The following SERPINE2 variants were observed in gnomAD, a reference collection of about 807,000 sequenced individuals.
The protein encoded by SERPINE2 is glia-derived nexin.
Under a neutral mutation model 36.3 loss-of-function variants are expected in SERPINE2, and 14 were observed. The ratio of observed to expected loss-of-function variants is 0.39; its 90% confidence interval spans 0.25 to 0.60. The LOEUF (loss-of-function observed/expected upper bound fraction) is 0.60. Among genes scored for constraint, SERPINE2 ranks in the 20% least tolerant of loss-of-function variants. The pLI is 0.57. For synonymous variants in SERPINE2, 192 were observed against 191.8 expected (o/e 1.00, Z -0.01); for missense variants, 418 against 499.6 (o/e 0.84, Z 1.56).
At chr2:224,030,213 G>T (rs1015862706) in intron 1 of SERPINE2, 64 of 985,410 alleles carry the variant, frequency 6.5e-5, no homozygotes, top group Non-Finnish European at 7.2e-5. Context: ...GAAGCCTGCG[G>T]GCAGGACAGA....
chr2:224,024,045 G>C (rs956170803), intron 1 of SERPINE2, among the ~76,000 whole-genome samples: 1 of 152,156 alleles, frequency 6.6e-6, no homozygotes, highest in African/African-American at 2.4e-5. Context: ...GGGGAAAAAT[G>C]ATATGAGCCA....
rs1018743814 is a variant in SERPINE2 at position 224,039,044 on chromosome 2, C to T, written c.-23+55G>A. ...GCGCGCGGAGCCCCGGGGAGCGTCCCCCGCCGAGGGCAGCGCCGGCCGCGC... is the reference window on the plus strand; with the variant it reads ...GCGCGCGGAGCCCCGGGGAGCGTCCTCCGCCGAGGGCAGCGCCGGCCGCGC... On this transcript the variant is annotated intron_variant, in intron 1 of 8. Coordinates refer to ENST00000409304, the MANE Select transcript of SERPINE2 (RefSeq NM_001136528.2). The surrounding 1 kb of genome is among the most constrained non-coding windows in gnomAD (Gnocchi z 5.2). The T allele has an allele frequency of 2.0e-5, 3 of 151,502 alleles. No individual in the cohort carries two copies. The highest frequency in any genetic ancestry group is 7.2e-5 in the African/African-American group (3 of 41,468). The allele number at this position is 151,502 out of a possible 1,614,324, so 9.4% of individuals were successfully genotyped here. A position where few individuals can be genotyped will look rare whatever the true frequency, so the allele number is the denominator to read the frequency against.
chr2:224,013,134 G>C (rs1404799754), intron 1 of SERPINE2, among the ~76,000 whole-genome samples: 1 of 152,138 alleles, frequency 6.6e-6, no homozygotes, highest in Non-Finnish European at 1.5e-5. Flanking sequence ...GTTTAGCATA[G>C]TACCTGGTAT....
intron 5 of SERPINE2, 114 bp from the exon 6 acceptor site, chr2:223,982,895 C>A: frequency 1.5e-6 from 1 of 669,396 alleles, no homozygotes; most frequent in African/African-American, 1.8e-5. Context: ...GAATACCGAT[C>A]TGAATTGCAT....
intron 3 of SERPINE2, among the ~76,000 whole-genome samples, chr2:223,992,325 T>C (rs1690706804): frequency 7.3e-6 from 1 of 137,870 alleles, no homozygotes; most frequent in Admixed American, 7.7e-5. Context: ...CCAAATAAGC[T>C]ACATTTGATA....
rs370456195 is a variant in SERPINE2 at position 223,984,691 on chromosome 2, G to A, written c.884+61C>T. Reference sequence around the variant, plus strand: ...TTTCGCCTCATGTTGTCTGGTGTCCGACATAACACCTGCTGATTGAATAAT... The same window carrying A: ...TTTCGCCTCATGTTGTCTGGTGTCCAACATAACACCTGCTGATTGAATAAT... On this transcript the variant is annotated intron_variant, in intron 5 of 8. Coordinates refer to ENST00000409304, the MANE Select transcript of SERPINE2 (RefSeq NM_001136528.2). 1.1e-4 allele frequency: 169 copies of A among 1,511,196 alleles called. 2 individuals carry two copies. In the East Asian group the frequency reaches 1.6e-3, roughly 14 times the overall value. 93.6% of individuals were successfully genotyped at this position (1,511,196 alleles called of 1,614,324 possible). A position where few individuals can be genotyped will look rare whatever the true frequency, so the allele number is the denominator to read the frequency against.
At chr2:224,030,871 C>A (rs1239664042) in intron 1 of SERPINE2, 1 of 709,134 alleles carries the variant, frequency 1.4e-6, no homozygotes, top group Admixed American at 6.3e-5. Flanking sequence ...TCTACCTTCT[C>A]AATCCAAAGG....
intron 1 of SERPINE2, among the ~76,000 whole-genome samples, chr2:224,013,356 C>A (rs1265403821): frequency 1.3e-5 from 2 of 152,166 alleles, no homozygotes; most frequent in East Asian, 3.9e-4. Flanking sequence ...TCCCAGCAGA[C>A]AGGACAGGCC....
chr2:224,008,490 C>T (rs994963325), intron 1 of SERPINE2, among the ~76,000 whole-genome samples: 3 of 152,266 alleles, frequency 2.0e-5, no homozygotes, highest in African/African-American at 4.8e-5. Context: ...ACTATAAACT[C>T]GTGTTTTTCA....
chr2:224,013,471 C>T (rs552318232), intron 1 of SERPINE2, among the ~76,000 whole-genome samples: 1 of 152,226 alleles, frequency 6.6e-6, no homozygotes, highest in South Asian at 2.1e-4. Context: ...TCCCTTTTCA[C>T]GAGGAAGAGG....
Position 223,990,829 on chromosome 2 carries a change from T to C in SERPINE2, c.685+974A>G, listed in dbSNP as rs1445488275. Among the ~76,000 whole-genome samples, 3 of 152,050 alleles carry C rather than the reference T, an allele frequency of 2.0e-5. No individual in the cohort carries two copies. The East Asian group carries it at 5.8e-4, about 29-fold the overall frequency. On this transcript the variant is annotated intron_variant, in intron 4 of 8. Transcript: ENST00000409304. Reference sequence around the variant, plus strand: ...CCCATTTGTACAAAAAGTAAAAAAATTAGCTGGCCGTGGTGGTGCATGCCT... The same window carrying C: ...CCCATTTGTACAAAAAGTAAAAAAACTAGCTGGCCGTGGTGGTGCATGCCT...
At chr2:223,981,751 AG>A in intron 6 of SERPINE2, 1 of 152,382 alleles carries the variant, frequency 6.6e-6, no homozygotes, top group South Asian at 2.1e-4. Context: ...ACATAACTCT[AG>A]AAAAAGGTAC....
intron 1 of SERPINE2, among the ~76,000 whole-genome samples, chr2:224,009,030 G>A (rs954385895): frequency 1.3e-5 from 2 of 152,152 alleles, no homozygotes; most frequent in Non-Finnish European, 2.9e-5. Context: ...TTAAAAGCTG[G>A]GCTGGGAGAA....
intron 1 of SERPINE2, among the ~76,000 whole-genome samples, chr2:224,038,324 T>C (rs989276192): frequency 1.3e-5 from 2 of 152,086 alleles, no homozygotes; most frequent in Non-Finnish European, 2.9e-5. Flanking sequence ...ACACAAAGAA[T>C]GTGTTTCGTT....
chr2:224,014,107 G>A (rs1691718307), intron 1 of SERPINE2, among the ~76,000 whole-genome samples: 1 of 152,206 alleles, frequency 6.6e-6, no homozygotes, highest in African/African-American at 2.4e-5. Flanking sequence ...ATGCGAGGTG[G>A]CTCATGCCTG....
chr2:223,975,946 A>ATAATCCT, intron 8 of SERPINE2, 42 bp from the exon 9 acceptor site: 1 of 1,538,824 alleles, frequency 6.5e-7, no homozygotes. Context: ...CTGTAAATTA[A>ATAATCCT]TAATCCTTAA....
intron 1 of SERPINE2, among the ~76,000 whole-genome samples, chr2:224,022,711 T>G (rs1348459635): frequency 6.6e-6 from 1 of 152,182 alleles, no homozygotes; most frequent in Non-Finnish European, 1.5e-5. Context: ...TTCTATGACA[T>G]GGGCCATTAA....
Position 224,003,595 on chromosome 2 carries a change from A to G in SERPINE2, c.-22-1673T>C, listed in dbSNP as rs568878620. ...TCAACTACAGTGATTTGTTTTAAAG[A>G]AGCTTCCTTCCTTAATTACCACTCA... On this transcript the variant is annotated intron_variant, in intron 1 of 8. Transcript: ENST00000409304. Among the ~76,000 whole-genome samples, 4 of 152,206 alleles carry G rather than the reference A, an allele frequency of 2.6e-5. No homozygotes were observed. The South Asian group carries it at 8.3e-4, about 31-fold the overall frequency.
At chr2:223,981,857 G>A (rs1265659278) in intron 6 of SERPINE2, 1 of 151,814 alleles carries the variant, frequency 6.6e-6, no homozygotes, top group Non-Finnish European at 1.5e-5. Flanking sequence ...TCATATTAAT[G>A]AGCATGAAAT....
Sources: allele counts gnomAD v4.1 joint callset (sites outside exome capture counted in the v4.1 genomes callset), GRCh38; gene constraint gnomAD v4.1.1; non-coding constraint Gnocchi (gnomAD v3.1); transcripts MANE v1.5; gene names NCBI Gene and HGNC (gene_info 2026-07-23, HGNC 2026-07-21).